The following KCNIP4 variants were observed in gnomAD, a reference collection of about 807,000 sequenced individuals.
KCNIP4 encodes the protein potassium voltage-gated channel interacting protein 4.
In KCNIP4, 12 loss-of-function variants were observed where a neutral mutation model predicts 34.0. The ratio of observed to expected loss-of-function variants is 0.35; its 90% CI spans 0.23 to 0.57. KCNIP4 has a LOEUF of 0.57. KCNIP4 is among the 20% of genes least tolerant of loss of function. The pLI is 0.83. For missense variants in KCNIP4, 238 were observed against 311.7 expected, an observed-to-expected ratio of 0.76 and a Z score of 1.78; for synonymous variants, 124 against 102.2, an observed-to-expected ratio of 1.21 and a Z score of -1.29.
chr4:21,180,371 CAT>C (rs1754751388), intron 1 of KCNIP4, among the ~76,000 whole-genome samples: 1 of 152,032 alleles, frequency 6.6e-6, no homozygotes, highest in African/African-American at 2.4e-5. Context: ...ATAGTAATAA[CAT>C]AGATATAAAT....
intron 3 of KCNIP4, among the ~76,000 whole-genome samples, chr4:20,824,935 ACT>A (rs1185217433): frequency 6.6e-6 from 1 of 152,040 alleles, no homozygotes; most frequent in Non-Finnish European, 1.5e-5. Context: ...ATGTGGTTAG[ACT>A]CTCTGTTTAA....
intron 1 of KCNIP4, among the ~76,000 whole-genome samples, chr4:21,756,370 A>G (rs1325066662): frequency 6.6e-6 from 1 of 152,054 alleles, no homozygotes; most frequent in East Asian, 1.9e-4. Flanking sequence ...CCTGGCCAAC[A>G]TGATGAAACC....
At chr4:21,871,649 C>T (rs1725819532) in intron 1 of KCNIP4, among the ~76,000 whole-genome samples, 2 of 152,146 alleles carry the variant, frequency 1.3e-5, no homozygotes, top group Admixed American at 6.5e-5. Context: ...CCATCAATAT[C>T]TTATCACCCT....
At chr4:21,626,402 C>T (rs1429227700) in intron 1 of KCNIP4, among the ~76,000 whole-genome samples, 1 of 151,012 alleles carries the variant, frequency 6.6e-6, no homozygotes. Context: ...TTTTTTTCAC[C>T]CCCTAAGTGT....
chr4:21,321,780 A>G (rs1714468236), intron 1 of KCNIP4, among the ~76,000 whole-genome samples: 1 of 143,700 alleles, frequency 7.0e-6, no homozygotes. Flanking sequence ...GGAGGGAGGG[A>G]GAGAGGAAGG....
intron 1 of KCNIP4, chr4:21,718,678 T>A (rs1385798116): frequency 6.6e-6 from 1 of 152,192 alleles, no homozygotes; most frequent in Non-Finnish European, 1.5e-5. Context: ...GTTTCATCAA[T>A]GCTTCCTTCT....
chr4:20,979,608 C>T (rs1304616372), intron 1 of KCNIP4, among the ~76,000 whole-genome samples: 1 of 151,944 alleles, frequency 6.6e-6, no homozygotes, highest in East Asian at 1.9e-4. Context: ...CCGTGTTATT[C>T]AGGATGGTCT....
chr4:21,872,556 T>C (rs924522420), intron 1 of KCNIP4, among the ~76,000 whole-genome samples: 11 of 152,128 alleles, frequency 7.2e-5, no homozygotes, highest in Admixed American at 2.6e-4. Flanking sequence ...ATTTTTATAA[T>C]GCCTTAGAAT....
At chr4:21,430,963 A>C (rs1417189260) in intron 1 of KCNIP4, among the ~76,000 whole-genome samples, 1 of 152,156 alleles carries the variant, frequency 6.6e-6, no homozygotes, top group Admixed American at 6.5e-5. Context: ...TTATTTACAG[A>C]AAAACTTCAA....
intron 1 of KCNIP4, among the ~76,000 whole-genome samples, chr4:21,117,819 G>C (rs6819851): frequency 0.012 from 1,755 of 152,116 alleles, 40 homozygotes; most frequent in African/African-American, 0.04. Flanking sequence ...GAGCCTCAGC[G>C]CTACAGGCAA....
intron 1 of KCNIP4, among the ~76,000 whole-genome samples, chr4:21,926,109 C>T (rs1729231122): frequency 6.6e-6 from 1 of 152,154 alleles, no homozygotes; most frequent in African/African-American, 2.4e-5. Context: ...CTAAAGATAG[C>T]CATAAGATTC....
intron 1 of KCNIP4, among the ~76,000 whole-genome samples, chr4:21,901,210 G>A (rs1457531742): frequency 6.6e-6 from 1 of 152,210 alleles, no homozygotes; most frequent in Non-Finnish European, 1.5e-5. Context: ...TGCAAAGTGA[G>A]GGGGTGGGAG....
intron 1 of KCNIP4, among the ~76,000 whole-genome samples, chr4:21,751,414 T>C (rs561763155): frequency 2.0e-5 from 3 of 152,274 alleles, no homozygotes; most frequent in Admixed American, 6.5e-5. Context: ...TATATACACA[T>C]TCTTATCATT....
Position 21,174,687 on chromosome 4 carries a change from G to A in KCNIP4, c.62-291978C>T, listed in dbSNP as rs951008012. 7.2e-5 allele frequency among the ~76,000 whole-genome samples: 11 copies of A among 152,018 alleles called. No homozygotes were observed. In the South Asian group the frequency reaches 2.3e-3, roughly 32 times the overall value. On this transcript the variant is annotated intron_variant, in intron 1 of 8. Coordinates refer to ENST00000382152, the MANE Select transcript of KCNIP4 (RefSeq NM_025221.6). ...GGCCGAGGTGGGCAGATCACCTGGG[G>A]TCAGGAACTCAGATCAAGACCAGCC...
intron 1 of KCNIP4, among the ~76,000 whole-genome samples, chr4:21,431,219 A>G (rs568497034): frequency 3.3e-5 from 5 of 152,114 alleles, no homozygotes; most frequent in Non-Finnish European, 5.9e-5. Context: ...ATGAAGATAC[A>G]TAAGAACATC....
chr4:21,281,253 A>G (rs1157612251), intron 1 of KCNIP4, among the ~76,000 whole-genome samples: 1 of 151,712 alleles, frequency 6.6e-6, no homozygotes, highest in Non-Finnish European at 1.5e-5. Flanking sequence ...CGCCCAGCTA[A>G]TTTTTGTATT....
chr4:21,697,060 T>C (rs1485281564), intron 1 of KCNIP4, among the ~76,000 whole-genome samples: 1 of 151,702 alleles, frequency 6.6e-6, no homozygotes, highest in Non-Finnish European at 1.5e-5. Context: ...CAATCATGTA[T>C]TTAAAAAAAA....
At chr4:21,745,697 A>G (rs1716730454) in intron 1 of KCNIP4, among the ~76,000 whole-genome samples, 1 of 152,146 alleles carries the variant, frequency 6.6e-6, no homozygotes, top group Non-Finnish European at 1.5e-5. Context: ...ATGAAAACAA[A>G]AGCACACAGG....
At chr4:20,917,317 C>T in intron 1 of KCNIP4, among the ~76,000 whole-genome samples, 1 of 151,830 alleles carries the variant, frequency 6.6e-6, no homozygotes, top group East Asian at 2.0e-4. Context: ...CATGAACCAC[C>T]CGCCCCGGCC....
Sources: gnomAD v4.1 joint callset for allele counts (sites outside exome capture counted in the v4.1 genomes callset) on GRCh38, gnomAD v4.1.1 for gene constraint, MANE v1.5 for transcripts, NCBI Gene and HGNC (gene_info 2026-07-23, HGNC 2026-07-21) for gene names.